HSBP1: variants seen among roughly 807,000 people sequenced by gnomAD.
HSBP1 encodes heat shock factor binding protein 1.
Under a neutral mutation model 9.6 loss-of-function variants are expected in HSBP1, and 5 were observed. The observed-to-expected ratio is 0.52, with a 90% CI of 0.27 to 1.09. The LOEUF (loss-of-function observed/expected upper bound fraction) is 1.09. Among genes scored for constraint, HSBP1 ranks in the 50% least tolerant of loss-of-function variants. The pLI is 0.11. For missense variants in HSBP1, 121 were observed against 96.3 expected (o/e 1.26, Z -1.07); for synonymous variants, 42 against 33.3 (o/e 1.26, Z -0.90).
chr16:83,808,061 G>C lies in HSBP1; in HGVS notation c.-16G>C, dbSNP rs1467309295. On this transcript the variant is annotated 5_prime_UTR_variant, in exon 1 of 4. Transcript: ENST00000433866. ...TTACGGTCTGAGACATCACCGCCAA[G>C]CTGGGCATCGGGGAGATGGCCGAGA... is the stretch of plus-strand genomic sequence containing the variant. 1.9e-6 allele frequency: 3 copies of C among 1,542,176 alleles called. No homozygotes were observed. Among genetic ancestry groups the C allele is most frequent in the African/African-American group, 2.8e-5 (2 of 71,668 alleles).
Position 83,811,999 on chromosome 16 carries a change from G to T in HSBP1, c.*581G>T, listed in dbSNP as rs537140504. The T allele has an allele frequency of 5.2e-5, 8 of 152,732 alleles. No homozygotes were observed. Among genetic ancestry groups the T allele is most frequent in the Admixed American group, 2.0e-4 (3 of 15,292 alleles). 9.5% of individuals were successfully genotyped at this position (152,732 alleles called of 1,614,324 possible). ...GAATAGAACTTAGACGTATGTCTGA[G>T]TCCCTGAGATCACATGCTAAAGTCG... On this transcript the variant is annotated 3_prime_UTR_variant, in exon 4 of 4. Coordinates refer to ENST00000433866, the MANE Select transcript of HSBP1 (RefSeq NM_001537.4).
At position 83,814,845 on chromosome 16, in the gene HSBP1, A is replaced by T. The variant is rs1904682514; in HGVS notation, c.*3427A>T. On this transcript the variant is annotated 3_prime_UTR_variant, in exon 4 of 4. Coordinates refer to ENST00000433866, the MANE Select transcript of HSBP1 (RefSeq NM_001537.4). ...TTCCTCAAACATTTGCCCAGAGCAC[A>T]ACCACGGGGAATATGAACCACAGGT... 2 of 152,220 alleles carry T rather than the reference A, an allele frequency of 1.3e-5. No individual in the cohort carries two copies. Among genetic ancestry groups the T allele is most frequent in the Admixed American group, 6.5e-5 (1 of 15,278 alleles). The allele number at this position is 152,220 out of a possible 1,614,324, so 9.4% of individuals were successfully genotyped here. A position where few individuals can be genotyped will look rare whatever the true frequency, so the allele number is the denominator to read the frequency against.
rs1904497760 is a variant in HSBP1 at position 83,807,998 on chromosome 16, C to T, written c.-79C>T. On this transcript the variant is annotated 5_prime_UTR_variant, in exon 1 of 4. Coordinates refer to ENST00000433866, the MANE Select transcript of HSBP1 (RefSeq NM_001537.4). Reference sequence around the variant, plus strand: ...CTGCCAGTCTCGTCGCGAGAAGCAGCGGCCCGGGGCGACTGAGCGGACAAA... The same window carrying T: ...CTGCCAGTCTCGTCGCGAGAAGCAGTGGCCCGGGGCGACTGAGCGGACAAA... 11 of 1,293,974 alleles carry T rather than the reference C, an allele frequency of 8.5e-6. No individual in the cohort carries two copies. The highest frequency in any genetic ancestry group is 2.9e-5 in the East Asian group (1 of 34,098). The allele number at this position is 1,293,974 out of a possible 1,614,324, so 80.2% of individuals were successfully genotyped here.
In HSBP1 at chr16:83,815,358, A is replaced by T. The variant is rs919379104; in HGVS notation, c.*3940A>T. On this transcript the variant is annotated 3_prime_UTR_variant, in exon 4 of 4. Coordinates refer to ENST00000433866, the MANE Select transcript of HSBP1 (RefSeq NM_001537.4). ...ACTCCATCTCTACAAAAAAGTAGAA[A>T]AATTAGCCCAGAGTGTGGTGGCACA... The T allele has an allele frequency of 6.6e-6, 1 of 152,184 alleles. No homozygotes were observed. Among genetic ancestry groups the T allele is most frequent in the Non-Finnish European group, 1.5e-5 (1 of 68,046 alleles). The allele number at this position is 152,184 out of a possible 1,614,324, so 9.4% of individuals were successfully genotyped here.
In HSBP1 at chr16:83,814,679, C is replaced by G. The variant is rs1478485438; in HGVS notation, c.*3261C>G. 6.6e-6 allele frequency: 1 copy of G among 152,204 alleles called. No homozygotes were observed. The highest frequency in any genetic ancestry group is 1.5e-5 in the Non-Finnish European group (1 of 68,042). The allele number at this position is 152,204 out of a possible 1,614,324, so 9.4% of individuals were successfully genotyped here. ...TGGAGTGTTTTCAATTAAACATGAC[C>G]TAAAATTAAGTAATAAACACACTGG... is the stretch of plus-strand genomic sequence containing the variant. On this transcript the variant is annotated 3_prime_UTR_variant, in exon 4 of 4. Transcript: ENST00000433866.
rs1904700407 is a variant in HSBP1, at chr16:83,815,530, CG to C, written c.*4114del. On this transcript the variant is annotated 3_prime_UTR_variant, in exon 4 of 4. Transcript: ENST00000433866. The stretch of plus-strand genomic sequence containing the variant: ...CTGTCTCAAAAAAAAAAAAAAAGGG[CG>C]GATCCTAACGCTTGGTCCTCACACC... 7.3e-6 allele frequency: 1 copy of C among 137,330 alleles called. No homozygotes were observed. The highest frequency in any genetic ancestry group is 2.6e-5 in the African/African-American group (1 of 37,822). 8.5% of individuals were successfully genotyped at this position (137,330 alleles called of 1,614,324 possible).
rs920101804 is a variant in HSBP1, at chr16:83,816,870, G to A, written c.*5452G>A. The A allele has an allele frequency of 6.6e-6, 1 of 152,166 alleles. No individual in the cohort carries two copies. Among genetic ancestry groups the A allele is most frequent in the Non-Finnish European group, 1.5e-5 (1 of 68,048 alleles). 9.4% of individuals were successfully genotyped at this position (152,166 alleles called of 1,614,324 possible). On this transcript the variant is annotated 3_prime_UTR_variant, in exon 4 of 4. Coordinates refer to ENST00000433866, the MANE Select transcript of HSBP1 (RefSeq NM_001537.4). The stretch of plus-strand genomic sequence containing the variant: ...TGGAGACATAAGAGAACAATACCAG[G>A]GTTCCATCAGAAAGGAAATCAGAAT...
chr16:83,814,786 A>C lies in HSBP1; in HGVS notation c.*3368A>C, dbSNP rs1904681154. 6.6e-6 allele frequency: 1 copy of C among 152,216 alleles called. No homozygotes were observed. Among genetic ancestry groups the C allele is most frequent in the African/African-American group, 2.4e-5 (1 of 41,446 alleles). 9.4% of individuals were successfully genotyped at this position (152,216 alleles called of 1,614,324 possible). ...CTGGATCAGTGCCTTTTTTCTCCTAAATCAGTTGAGAACAACAACAGAAAC... is the reference window on the plus strand; with the variant it reads ...CTGGATCAGTGCCTTTTTTCTCCTACATCAGTTGAGAACAACAACAGAAAC... On this transcript the variant is annotated 3_prime_UTR_variant, in exon 4 of 4. Transcript: ENST00000433866.
At position 83,817,818 on chromosome 16, in the gene HSBP1, T is replaced by G. The variant is rs962474196; in HGVS notation, c.*6400T>G. 5 of 152,234 alleles carry G rather than the reference T, an allele frequency of 3.3e-5. No homozygotes were observed. The highest frequency in any genetic ancestry group is 9.6e-5 in the African/African-American group (4 of 41,466). 9.4% of individuals were successfully genotyped at this position (152,234 alleles called of 1,614,324 possible). ...TCCTGAAAACATAAGACCATTTGACTGATTCTGCTCCAGAATCTTATTGAG... is the reference window on the plus strand; with the variant it reads ...TCCTGAAAACATAAGACCATTTGACGGATTCTGCTCCAGAATCTTATTGAG... On this transcript the variant is annotated 3_prime_UTR_variant, in exon 4 of 4. Coordinates refer to ENST00000433866, the MANE Select transcript of HSBP1 (RefSeq NM_001537.4).
chr16:83,813,881 T>C lies in HSBP1; in HGVS notation c.*2463T>C, dbSNP rs1904659648. 7.0e-6 allele frequency: 1 copy of C among 142,778 alleles called. No homozygotes were observed. Among genetic ancestry groups the C allele is most frequent in the African/African-American group, 2.4e-5 (1 of 40,990 alleles). The allele number at this position is 142,778 out of a possible 1,614,324, so 8.8% of individuals were successfully genotyped here. ...TTCAATCTTATTTTCATATCAATTT[T>C]TTCTTTGTTTCACTACAAGTACAGT... On this transcript the variant is annotated 3_prime_UTR_variant, in exon 4 of 4. Coordinates refer to ENST00000433866, the MANE Select transcript of HSBP1 (RefSeq NM_001537.4).
In HSBP1 at chr16:83,817,452, G is replaced by A. The variant is rs74336125; in HGVS notation, c.*6034G>A. ...CTGCCTGTCCTGGGCCAGGTATGGC[G>A]CTAGCTGCTTTCACCTGTATCATCT... On this transcript the variant is annotated 3_prime_UTR_variant, in exon 4 of 4. Transcript: ENST00000433866. 5,197 of 152,304 alleles carry A rather than the reference G, an allele frequency of 0.034. 145 individuals carry two copies. The highest frequency in any genetic ancestry group is 0.034 in the Non-Finnish European group (2,316 of 68,036). The allele number at this position is 152,304 out of a possible 1,614,324, so 9.4% of individuals were successfully genotyped here.
At chr16:83,808,435 C>A in intron 1 of HSBP1, 1 of 569,284 alleles carries the variant, frequency 1.8e-6, no homozygotes, top group Non-Finnish European at 3.1e-6. Flanking sequence ...CCCCCGGGTG[C>A]CCCAGCCCGG....
intron 1 of HSBP1, 28 bp downstream of exon 1, chr16:83,808,149 C>A: frequency 1.3e-6 from 2 of 1,537,826 alleles, no homozygotes; most frequent in Non-Finnish European, 1.8e-6. Context: ...GGGCCGGAGG[C>A]CGCGGCCTTC....
In HSBP1 at chr16:83,810,478, C is replaced by T. The variant is rs151294811; in HGVS notation, c.*3-943C>T. Among the ~76,000 whole-genome samples the T allele has an allele frequency of 7.7e-3, 1,142 of 148,606 alleles. 18 individuals carry two copies. Among genetic ancestry groups the T allele is most frequent in the African/African-American group, 0.027 (1,088 of 39,906 alleles). On this transcript the variant is annotated intron_variant, in intron 3 of 3. Coordinates refer to ENST00000433866, the MANE Select transcript of HSBP1 (RefSeq NM_001537.4). ...GAGGCGGAGGTTGCAGTCGAGGTCA[C>T]GCCACTGCACTCCAGCCTGGGCGAC...
rs1904780560 is a variant in HSBP1 at position 83,818,977 on chromosome 16, C to T, written c.*7559C>T. ...GTGCTGGAAATGTAGATCCCCAGGC[C>T]CTACCTAGCCCTACTGAATCAGAGA... On this transcript the variant is annotated 3_prime_UTR_variant, in exon 4 of 4. Coordinates refer to ENST00000433866, the MANE Select transcript of HSBP1 (RefSeq NM_001537.4). 1 of 152,128 alleles carries T rather than the reference C, an allele frequency of 6.6e-6. No individual in the cohort carries two copies. The highest frequency in any genetic ancestry group is 1.5e-5 in the Non-Finnish European group (1 of 68,030). The allele number at this position is 152,128 out of a possible 1,614,324, so 9.4% of individuals were successfully genotyped here.
rs1199582466 is a variant in HSBP1, at chr16:83,814,057, T to C, written c.*2639T>C. The C allele has an allele frequency of 6.6e-6, 1 of 152,194 alleles. No individual in the cohort carries two copies. The highest frequency in any genetic ancestry group is 1.9e-4 in the East Asian group (1 of 5,194). 9.4% of individuals were successfully genotyped at this position (152,194 alleles called of 1,614,324 possible). On this transcript the variant is annotated 3_prime_UTR_variant, in exon 4 of 4. Transcript: ENST00000433866. The stretch of plus-strand genomic sequence containing the variant: ...GAGTCCTCCAAACAAAAGTGAACTT[T>C]TTCAACATGCTGTTTGTAAATGGAA...
At position 83,814,850 on chromosome 16, in the gene HSBP1, C is replaced by T. The variant is rs768302467; in HGVS notation, c.*3432C>T. The T allele has an allele frequency of 4.6e-5, 7 of 152,206 alleles. No individual in the cohort carries two copies. The highest frequency in any genetic ancestry group is 2.1e-4 in the South Asian group (1 of 4,812). 9.4% of individuals were successfully genotyped at this position (152,206 alleles called of 1,614,324 possible). The stretch of plus-strand genomic sequence containing the variant: ...CAAACATTTGCCCAGAGCACAACCA[C>T]GGGGAATATGAACCACAGGTTTTCA... On this transcript the variant is annotated 3_prime_UTR_variant, in exon 4 of 4. Transcript: ENST00000433866.
At position 83,811,593 on chromosome 16, in the gene HSBP1, G is replaced by C. The variant is rs1169831894; in HGVS notation, c.*175G>C. The C allele has an allele frequency of 6.6e-6, 1 of 152,152 alleles. No homozygotes were observed. Among genetic ancestry groups the C allele is most frequent in the Non-Finnish European group, 1.5e-5 (1 of 68,030 alleles). 9.4% of individuals were successfully genotyped at this position (152,152 alleles called of 1,614,324 possible). A position where few individuals can be genotyped will look rare whatever the true frequency, so the allele number is the denominator to read the frequency against. ...GATTTCCCCCCAGTTTCTTGAACATGGTATCTTCACATCTTGGACCTTGGT... is the reference window on the plus strand; with the variant it reads ...GATTTCCCCCCAGTTTCTTGAACATCGTATCTTCACATCTTGGACCTTGGT... On this transcript the variant is annotated 3_prime_UTR_variant, in exon 4 of 4. Transcript: ENST00000433866.
chr16:83,808,414 C>A (rs1423771157), intron 1 of HSBP1: 4 of 566,168 alleles, frequency 7.1e-6, no homozygotes. Flanking sequence ...CGCCCTTCAA[C>A]TCCTCACACA....
Sources: allele counts gnomAD v4.1 joint callset (sites outside exome capture counted in the v4.1 genomes callset), GRCh38; gene constraint gnomAD v4.1.1; transcripts MANE v1.5; gene names NCBI Gene and HGNC (gene_info 2026-07-23, HGNC 2026-07-21).